PCDH15: variants seen among roughly 807,000 people sequenced by gnomAD.
PCDH15 encodes protocadherin-15.
In PCDH15, 129 loss-of-function variants were observed where a neutral mutation model predicts 178.5. That is an observed-to-expected ratio of 0.72 (90% CI 0.63 to 0.84). PCDH15 has a LOEUF of 0.84. Among genes scored for constraint, PCDH15 ranks in the 40% least tolerant of loss-of-function variants. The pLI, the probability that PCDH15 is intolerant of heterozygous loss-of-function variation, is 0.00. For missense variants in PCDH15, 2,230 were observed against 2,099.9 expected (o/e 1.06, Z -1.21); for synonymous variants, 800 against 732.0 (o/e 1.09, Z -1.50).
At chr10:55,011,521 A>G (rs1039572223) in intron 2 of PCDH15, among the ~76,000 whole-genome samples, 8 of 152,112 alleles carry the variant, frequency 5.3e-5, no homozygotes, top group Non-Finnish European at 1.5e-5. Flanking sequence ...ACACAGATTT[A>G]TATAGAAGGA....
intron 10 of PCDH15, among the ~76,000 whole-genome samples, chr10:54,211,713 G>C (rs2051456223): frequency 6.6e-6 from 1 of 151,750 alleles, no homozygotes; most frequent in South Asian, 2.1e-4. Flanking sequence ...AAAACTTTTA[G>C]GGCCAATGAA....
chr10:54,141,074 A>G (rs1415924146), intron 14 of PCDH15, among the ~76,000 whole-genome samples: 2 of 151,074 alleles, frequency 1.3e-5, no homozygotes, highest in African/African-American at 4.9e-5. Flanking sequence ...ATACATATAC[A>G]CATAGGTATA....
At chr10:55,546,316 A>G (rs1273388702) in intron 2 of PCDH15, among the ~76,000 whole-genome samples, 1 of 152,168 alleles carries the variant, frequency 6.6e-6, no homozygotes, top group African/African-American at 2.4e-5. Flanking sequence ...AATACAAATA[A>G]TACAGTATAT....
rs1010149870 is a variant in PCDH15, at chr10:54,921,140, T to C, written c.-79-23640A>G. 3.9e-5 allele frequency among the ~76,000 whole-genome samples: 6 copies of C among 152,250 alleles called. No individual in the cohort carries two copies. The East Asian group carries it at 7.7e-4, about 20-fold the overall frequency. On this transcript the variant is annotated intron_variant, in intron 2 of 5. Transcript: ENST00000458638. ...TGGTAAAAGACTCTTATCCATAACC[T>C]AGAAGAGTTAAATTCTTGCATCTTA...
In PCDH15 at chr10:54,002,929, A is replaced by T. The variant is rs141287890; in HGVS notation, c.2752-7164T>A. Among the ~76,000 whole-genome samples, 585 of 152,248 alleles carry T rather than the reference A, an allele frequency of 3.8e-3. 5 individuals carry two copies. The highest frequency in any genetic ancestry group is 0.013 in the African/African-American group (551 of 41,548). On this transcript the variant is annotated intron_variant, in intron 20 of 37. Coordinates refer to ENST00000644397, the MANE Select transcript of PCDH15 (RefSeq NM_001384140.1). ...TCCAGGTCCCCTTCCACCATGTGGAAGCTTCCCTTTCGCTTTGTTCAATAA... is the reference window on the plus strand; with the variant it reads ...TCCAGGTCCCCTTCCACCATGTGGATGCTTCCCTTTCGCTTTGTTCAATAA...
chr10:55,526,904 T>C (rs1027089810), intron 2 of PCDH15, among the ~76,000 whole-genome samples: 2 of 152,086 alleles, frequency 1.3e-5, no homozygotes, highest in Admixed American at 6.6e-5. Context: ...TGCTAGGTTA[T>C]ATTTATAGGC....
chr10:55,509,141 G>A (rs1840824911), intron 2 of PCDH15, among the ~76,000 whole-genome samples: 1 of 151,642 alleles, frequency 6.6e-6, no homozygotes, highest in African/African-American at 2.4e-5. Flanking sequence ...ATCTGTCGAG[G>A]TATGCACACA....
At chr10:55,339,880 A>T (rs1157316316) in intron 2 of PCDH15, among the ~76,000 whole-genome samples, 1 of 151,856 alleles carries the variant, frequency 6.6e-6, no homozygotes, top group Non-Finnish European at 1.5e-5. Context: ...GTCCACTTTG[A>T]CTAAGGAGGG....
At chr10:54,110,434 C>T (rs2094997980) in intron 15 of PCDH15, among the ~76,000 whole-genome samples, 2 of 151,694 alleles carry the variant, frequency 1.3e-5, no homozygotes, top group African/African-American at 4.8e-5. Context: ...ATAAACAGGT[C>T]TTTTTAGCCT....
At chr10:53,970,736 T>C (rs2456702) in intron 21 of PCDH15, among the ~76,000 whole-genome samples, 106,759 of 151,372 alleles carry the variant, frequency 0.71, 38,014 homozygotes, top group East Asian at 0.87. Context: ...AAGAATAAAC[T>C]AGGAAGAAGT....
intron 1 of PCDH15, among the ~76,000 whole-genome samples, chr10:54,756,089 A>ACACACACACT (rs143374986): frequency 0.013 from 1,964 of 148,318 alleles, 22 homozygotes; most frequent in East Asian, 0.034. Flanking sequence ...ACACACACAC[A>ACACACACACT]CACACACAAA....
At chr10:54,397,763 TA>T (rs1951430395) in intron 3 of PCDH15, among the ~76,000 whole-genome samples, 1 of 151,996 alleles carries the variant, frequency 6.6e-6, no homozygotes, top group South Asian at 2.1e-4. Context: ...CTGATATTCT[TA>T]AAATAAAAAT....
At chr10:54,481,153 G>A (rs2078687947) in intron 3 of PCDH15, among the ~76,000 whole-genome samples, 1 of 151,724 alleles carries the variant, frequency 6.6e-6, no homozygotes, top group Non-Finnish European at 1.5e-5. Context: ...TCTTCTATAT[G>A]AATAGCACAG....
intron 2 of PCDH15, among the ~76,000 whole-genome samples, chr10:55,503,457 A>C (rs928852385): frequency 1.3e-5 from 2 of 150,112 alleles, no homozygotes; most frequent in African/African-American, 4.9e-5. Context: ...ATGTGATGGA[A>C]TCTTTATTTA....
At chr10:55,090,119 C>T (rs1270240902) in intron 2 of PCDH15, among the ~76,000 whole-genome samples, 1 of 151,698 alleles carries the variant, frequency 6.6e-6, no homozygotes, top group Admixed American at 6.6e-5. Context: ...GTAAATTCTG[C>T]AATATGCTGA....
intron 2 of PCDH15, chr10:54,654,875 G>A (rs2094340967): frequency 6.6e-6 from 1 of 152,146 alleles, no homozygotes; most frequent in Admixed American, 6.6e-5. Flanking sequence ...CCTGGACTCT[G>A]AATTAGACCT....
At chr10:54,200,779 T>C (rs1377344957) in intron 10 of PCDH15, among the ~76,000 whole-genome samples, 2 of 152,212 alleles carry the variant, frequency 1.3e-5, no homozygotes, top group East Asian at 3.8e-4. Context: ...TTTCCCCTTT[T>C]CTCCCCTACT....
intron 1 of PCDH15, among the ~76,000 whole-genome samples, chr10:55,195,631 G>C (rs1206487499): frequency 2.7e-5 from 4 of 147,174 alleles, no homozygotes; most frequent in Non-Finnish European, 6.0e-5. Context: ...CTCCAGCCTG[G>C]GTGACAGAGG....
At chr10:54,011,788 C>T (rs930982506) in intron 20 of PCDH15, among the ~76,000 whole-genome samples, 2 of 152,200 alleles carry the variant, frequency 1.3e-5, no homozygotes, top group Non-Finnish European at 2.9e-5. Context: ...AATAAACCAA[C>T]TGACTGTACT....
Sources: gnomAD v4.1 joint callset for allele counts (sites outside exome capture counted in the v4.1 genomes callset) on GRCh38, gnomAD v4.1.1 for gene constraint, MANE v1.5 for transcripts, NCBI Gene and HGNC (gene_info 2026-07-23, HGNC 2026-07-21) for gene names.